Variants in WDFY3 observed in about 807,000 individuals in gnomAD.
WDFY3 encodes the protein WD repeat and FYVE domain containing 3.
WDFY3 carries 66 observed loss-of-function variants against 409.6 expected under a neutral mutation model. The observed-to-expected ratio is 0.16, with a 90% CI of 0.13 to 0.20. WDFY3 has a LOEUF of 0.20. Ranked by LOEUF, WDFY3 falls within the 10% of genes least tolerant of loss-of-function variation. WDFY3 has a pLI of 1.00. For synonymous variants in WDFY3, 1,521 were observed against 1,537.1 expected (o/e 0.99, Z 0.25); for missense variants, 3,031 against 4,298.1 (o/e 0.71, Z 8.24).
rs147796158 is a variant in WDFY3 at position 84,950,813 on chromosome 4, C to T, written c.-226+15396G>A. On this transcript the variant is annotated intron_variant, in intron 1 of 67. Coordinates refer to ENST00000295888, the MANE Select transcript of WDFY3 (RefSeq NM_014991.6). Reference sequence around the variant, plus strand: ...TCAAAAAAGAAAAATAGTTTCAGCACACAAAGTAGACACTGAATAAACACA... The same window carrying T: ...TCAAAAAAGAAAAATAGTTTCAGCATACAAAGTAGACACTGAATAAACACA... 8.5e-3 allele frequency among the ~76,000 whole-genome samples: 1,299 copies of T among 152,170 alleles called. 14 individuals carry two copies. The highest frequency in any genetic ancestry group is 0.029 in the African/African-American group (1,212 of 41,512).
At chr4:84,800,384 A>G (rs1750297508) in intron 17 of WDFY3, among the ~76,000 whole-genome samples, 2 of 152,312 alleles carry the variant, frequency 1.3e-5, no homozygotes, top group African/African-American at 2.4e-5. Flanking sequence ...GGCTCAAAGC[A>G]GGAGGCTTCC....
At chr4:84,867,309 A>T (rs1424796347) in intron 3 of WDFY3, among the ~76,000 whole-genome samples, 1 of 152,244 alleles carries the variant, frequency 6.6e-6, no homozygotes, top group Non-Finnish European at 1.5e-5. Flanking sequence ...ATTAAGGAAT[A>T]ATTTATTTCT....
rs188788711 is a variant in WDFY3, at chr4:84,714,368, A to C, written c.7961+930T>G. ...AAAGTGATCCTCCCTCCTTGGCCTCACAAAGTGCTAAGAATATGAGCGTGA... is the reference window on the plus strand; with the variant it reads ...AAAGTGATCCTCCCTCCTTGGCCTCCCAAAGTGCTAAGAATATGAGCGTGA... On this transcript the variant is annotated intron_variant, in intron 50 of 67. Coordinates refer to ENST00000295888, the MANE Select transcript of WDFY3 (RefSeq NM_014991.6). Among the ~76,000 whole-genome samples the C allele has an allele frequency of 2.3e-3, 348 of 152,282 alleles. 2 individuals are homozygous for C. Among genetic ancestry groups the C allele is most frequent in the African/African-American group, 8.0e-3 (331 of 41,558 alleles).
intron 3 of WDFY3, among the ~76,000 whole-genome samples, chr4:84,887,501 G>A (rs759357122): frequency 4.6e-5 from 7 of 152,124 alleles, no homozygotes; most frequent in Non-Finnish European, 8.8e-5. Flanking sequence ...GTAATTAGCA[G>A]CTCAGGCTGG....
At chr4:84,965,787 C>CGG in intron 1 of WDFY3, 1 of 151,290 alleles carries the variant, frequency 6.6e-6, no homozygotes, top group Non-Finnish European at 1.5e-5. Context: ...CAGGATGCAG[C>CGG]GGGGGGGGGC....
At chr4:84,743,345 C>T (rs1470590291) in intron 37 of WDFY3, among the ~76,000 whole-genome samples, 1 of 152,160 alleles carries the variant, frequency 6.6e-6, no homozygotes, top group African/African-American at 2.4e-5. Context: ...TACCTATGAC[C>T]TAACAATTCC....
intron 43 of WDFY3, among the ~76,000 whole-genome samples, chr4:84,734,320 A>G (rs1737083589): frequency 6.6e-6 from 1 of 152,226 alleles, no homozygotes; most frequent in African/African-American, 2.4e-5. Context: ...AGTATATACA[A>G]TTTAAATCTA....
At chr4:84,896,803 T>C (rs1765699684) in intron 3 of WDFY3, 108 bp downstream of exon 3, 1 of 152,174 alleles carries the variant, frequency 6.6e-6, no homozygotes, top group Non-Finnish European at 1.5e-5. Flanking sequence ...ATCAAGTCAA[T>C]ATAAAAAGTC....
intron 40 of WDFY3, among the ~76,000 whole-genome samples, chr4:84,738,263 TG>T (rs1737800840): frequency 6.6e-6 from 1 of 151,796 alleles, no homozygotes; most frequent in Non-Finnish European, 1.5e-5. Flanking sequence ...GACTTCAATA[TG>T]CAATCCTTAC....
At chr4:84,803,758 C>T (rs1323524277) in intron 15 of WDFY3, 1 of 212,456 alleles carries the variant, frequency 4.7e-6, no homozygotes, top group Admixed American at 5.3e-5. Context: ...ACCTGTACCA[C>T]AAGATGTAAA....
intron 2 of WDFY3, among the ~76,000 whole-genome samples, chr4:84,908,980 G>T (rs1298612130): frequency 2.0e-5 from 3 of 151,872 alleles, no homozygotes; most frequent in Non-Finnish European, 4.4e-5. Context: ...TTATTGAATG[G>T]ATTCATATTA....
At chr4:84,890,863 T>C (rs1579006622) in intron 3 of WDFY3, among the ~76,000 whole-genome samples, 1 of 152,160 alleles carries the variant, frequency 6.6e-6, no homozygotes, top group African/African-American at 2.4e-5. Context: ...TCCAGGATGG[T>C]CTCAAATGCC....
intron 51 of WDFY3, among the ~76,000 whole-genome samples, chr4:84,712,323 T>G (rs1039715350): frequency 7.2e-6 from 1 of 138,654 alleles, no homozygotes; most frequent in Admixed American, 7.5e-5. Context: ...GATCACACCA[T>G]TGCACTCCAG....
chr4:84,677,384 C>T lies in WDFY3; in HGVS notation c.10272G>A (p.Arg3424=), dbSNP rs1342990401. ...TALGISKDHS[R]ILVGDSRGRV... Reference sequence around the variant, plus strand: ...GGCCTCGACTGTCACCAACGAGGATCCTACTGTGATCCCTGCAGGAGACAC... The same window carrying T: ...GGCCTCGACTGTCACCAACGAGGATTCTACTGTGATCCCTGCAGGAGACAC... Residue 3424 remains arginine (R), a synonymous_variant, in exon 67 of 68, where the codon AGG becomes AGA. Transcript: ENST00000295888. 2 of 1,611,970 alleles carry T rather than the reference C, an allele frequency of 1.2e-6. No individual in the cohort carries two copies. The highest frequency in any genetic ancestry group is 1.3e-5 in the African/African-American group (1 of 74,892).
At chr4:84,678,802 C>T in intron 65 of WDFY3, 117 bp downstream of exon 65, 2 of 1,164,910 alleles carry the variant, frequency 1.7e-6, no homozygotes, top group Non-Finnish European at 2.4e-6. Context: ...GTGAGTGGCC[C>T]AGCTCACGGG....
intron 13 of WDFY3, among the ~76,000 whole-genome samples, chr4:84,812,687 A>C (rs947247885): frequency 6.6e-6 from 1 of 152,086 alleles, no homozygotes; most frequent in Non-Finnish European, 1.5e-5. Flanking sequence ...AAATGCTATC[A>C]CTGGTTAGAA....
chr4:84,877,287 T>C (rs886561161), intron 3 of WDFY3, among the ~76,000 whole-genome samples: 5 of 152,138 alleles, frequency 3.3e-5, no homozygotes, highest in Admixed American at 6.5e-5. Flanking sequence ...CAGATGATTA[T>C]GAATCATCCT....
At chr4:84,883,145 T>C (rs561673120) in intron 3 of WDFY3, among the ~76,000 whole-genome samples, 1 of 152,318 alleles carries the variant, frequency 6.6e-6, no homozygotes, top group South Asian at 2.1e-4. Context: ...AAAAACTATG[T>C]GTATCTGTCC....
intron 32 of WDFY3, among the ~76,000 whole-genome samples, chr4:84,760,715 G>C (rs1742411255): frequency 6.7e-6 from 1 of 148,248 alleles, no homozygotes; most frequent in African/African-American, 2.5e-5. Flanking sequence ...TATTAGTCTT[G>C]CTAGCGGTCT....
Sources: gnomAD v4.1 joint callset for allele counts (sites outside exome capture counted in the v4.1 genomes callset) on GRCh38, gnomAD v4.1.1 for gene constraint, MANE v1.5 for transcripts, NCBI Gene and HGNC (gene_info 2026-07-23, HGNC 2026-07-21) for gene names.